ZC2HC1C: variants seen among roughly 807,000 people sequenced by gnomAD.
The protein encoded by ZC2HC1C is zinc finger C2HC domain-containing protein 1C.
In ZC2HC1C, 25 loss-of-function variants were observed where a neutral mutation model predicts 39.2. The observed-to-expected ratio is 0.64, with a 90% CI of 0.47 to 0.89. The LOEUF (loss-of-function observed/expected upper bound fraction) is 0.89. Among genes scored for constraint, ZC2HC1C ranks in the 40% least tolerant of loss-of-function variants. ZC2HC1C has a pLI of 0.00. For missense variants in ZC2HC1C, 519 were observed against 548.6 expected, an observed-to-expected ratio of 0.95 and a Z score of 0.54; for synonymous variants, 209 against 214.4, an observed-to-expected ratio of 0.97 and a Z score of 0.22.
chr14:75,077,284 A>G (rs1488347815), intron 2 of ZC2HC1C, among the ~76,000 whole-genome samples: 2 of 152,056 alleles, frequency 1.3e-5, no homozygotes, highest in Non-Finnish European at 1.5e-5. Context: ...ACTTTCCACT[A>G]TCGGGTACTT....
chr14:75,077,526 T>G lies in ZC2HC1C; in HGVS notation c.1339-6T>G, dbSNP rs1218784770. The G allele has an allele frequency of 6.2e-7, 1 of 1,614,188 alleles. No homozygotes were observed. Among genetic ancestry groups the G allele is most frequent in the South Asian group, 1.1e-5 (1 of 91,080 alleles). On this transcript the variant is annotated splice_polypyrimidine_tract_variant and splice_region_variant and intron_variant, in intron 2 of 2. Coordinates refer to ENST00000524913, the MANE Select transcript of ZC2HC1C (RefSeq NM_024643.4). Reference sequence around the variant, plus strand: ...TTGAATGATCAGTCTCCCTTTTACATTACAGGCTGAACCTCCTCAGAAGAG... The same window carrying G: ...TTGAATGATCAGTCTCCCTTTTACAGTACAGGCTGAACCTCCTCAGAAGAG...
rs768137335 is a variant in ZC2HC1C, at chr14:75,077,587, C to T, written c.*23C>T. ...TAGAAGCATGAATCTTTTATCCATA[C>T]GTTCCGCCAGGCTCGAGAGGTCCAG... On this transcript the variant is annotated 3_prime_UTR_variant, in exon 3 of 3. Coordinates refer to ENST00000524913, the MANE Select transcript of ZC2HC1C (RefSeq NM_024643.4). The T allele has an allele frequency of 1.3e-5, 21 of 1,613,944 alleles. No individual in the cohort carries two copies. The highest frequency in any genetic ancestry group is 3.3e-5 in the Admixed American group (2 of 59,992).
chr14:75,072,339 C>T (rs1366427342), intron 2 of ZC2HC1C, among the ~76,000 whole-genome samples: 1 of 152,142 alleles, frequency 6.6e-6, no homozygotes, highest in East Asian at 1.9e-4. Context: ...GAGAGAACTC[C>T]TCACTCTTTG....
chr14:75,073,545 G>T (rs1270092050), intron 2 of ZC2HC1C: 1 of 1,287,742 alleles, frequency 7.8e-7, no homozygotes, highest in Non-Finnish European at 1.0e-6. Flanking sequence ...CACCACCCTG[G>T]TAATGTCTCA....
Position 75,070,638 on chromosome 14 carries a change from C to T in ZC2HC1C, c.65C>T (p.Thr22Met). ...GGCGTTATGCTCCCACATAATACAA[C>T]GGAAGCTCCAGGGCCCCACTCAGCC... ...PVGVMLPHNT[T>M]EAPGPHSAKQ... The change falls in exon 2 of 3, where the codon ACG becomes ATG. Residue 22 changes from threonine (T) to methionine (M), a missense_variant. By Grantham distance (81) the Thr-to-Met change is moderately conservative. Transcript: ENST00000524913. 11 of 1,614,118 alleles carry T rather than the reference C, an allele frequency of 6.8e-6. No homozygotes were observed. The highest frequency in any genetic ancestry group is 9.3e-6 in the Non-Finnish European group (11 of 1,179,984).
At position 75,070,668 on chromosome 14, in the gene ZC2HC1C, A is replaced by G. The variant is rs772518985; in HGVS notation, c.95A>G (p.Gln32Arg). Residue 32 changes from glutamine (Q) to arginine (R), a missense_variant, in exon 2 of 3, where the codon CAA (glutamine) becomes CGA (arginine). Physicochemically the swap from Gln to Arg is conservative, Grantham distance 43 (BLOSUM62 1). Transcript: ENST00000524913. Reference sequence around the variant, plus strand: ...GCTCCAGGGCCCCACTCAGCCAAGCAAGACTCTTACGAACAAGGTGACTCT... The same window carrying G: ...GCTCCAGGGCCCCACTCAGCCAAGCGAGACTCTTACGAACAAGGTGACTCT... ...TEAPGPHSAK[Q>R]DSYEQGDSSQ... 1.9e-6 allele frequency: 3 copies of G among 1,614,204 alleles called. No homozygotes were observed. Among genetic ancestry groups the G allele is most frequent in the Non-Finnish European group, 2.5e-6 (3 of 1,180,034 alleles).
rs1401552669 is a variant in ZC2HC1C, at chr14:75,070,856, G to A, written c.283G>A (p.Asp95Asn). ...CCACTGTACTGGAATCAGCCAGCAA[G>A]ATCCAGAAAGTGATTCCCAGGGCCA... ...YPHCTGISQQ[D>N]PESDSQGQGN... Residue 95 changes from aspartate (D) to asparagine (N), a missense_variant, in exon 2 of 3, where the codon GAT (aspartate) becomes AAT (asparagine). Coordinates refer to ENST00000524913, the MANE Select transcript of ZC2HC1C (RefSeq NM_024643.4). 2 of 1,614,226 alleles carry A rather than the reference G, an allele frequency of 1.2e-6. No individual in the cohort carries two copies. Among genetic ancestry groups the A allele is most frequent in the East Asian group, 2.2e-5 (1 of 44,886 alleles).
chr14:75,074,813 C>T (rs1566630088), intron 2 of ZC2HC1C, among the ~76,000 whole-genome samples: 1 of 152,200 alleles, frequency 6.6e-6, no homozygotes, highest in East Asian at 1.9e-4. Context: ...CTCAAGTCAT[C>T]TGCCCACCTC....
Position 75,071,086 on chromosome 14 carries a change from A to T in ZC2HC1C, c.513A>T (p.Arg171Ser). ...HNVYPRPPEP[R>S]EFSSRNFGVR... ...TCTACCCAAGGCCCCCTGAGCCGAG[A>T]GAGTTTTCATCTAGGAACTTTGGTG... Residue 171 changes from arginine (R) to serine (S), a missense_variant, in exon 2 of 3, where the codon AGA (arginine) becomes AGT (serine). Coordinates refer to ENST00000524913, the MANE Select transcript of ZC2HC1C (RefSeq NM_024643.4). 1 of 1,614,190 alleles carries T rather than the reference A, an allele frequency of 6.2e-7. No individual in the cohort carries two copies. The highest frequency in any genetic ancestry group is 8.5e-7 in the Non-Finnish European group (1 of 1,180,038).
chr14:75,070,266 A>G (rs1893295494), intron 1 of ZC2HC1C, among the ~76,000 whole-genome samples: 1 of 152,086 alleles, frequency 6.6e-6, no homozygotes, highest in Admixed American at 6.5e-5. Flanking sequence ...TCCACCTACT[A>G]TAGAGTATAC....
chr14:75,072,705 G>T (rs969198893), intron 2 of ZC2HC1C, among the ~76,000 whole-genome samples: 1 of 152,156 alleles, frequency 6.6e-6, no homozygotes, highest in African/African-American at 2.4e-5. Context: ...TCAAGGTTGT[G>T]CCACTTGGTT....
Position 75,071,760 on chromosome 14 carries a change from G to GC in ZC2HC1C, c.1188dup (p.Lys397GlnfsTer26). 1 of 1,614,126 alleles carries GC rather than the reference G, an allele frequency of 6.2e-7. No homozygotes were observed. On this transcript the variant is annotated frameshift_variant, in exon 2 of 3. Coordinates refer to ENST00000524913, the MANE Select transcript of ZC2HC1C (RefSeq NM_024643.4). LOFTEE classifies it high-confidence loss of function. ...CTGGGTGAGTGCAGCCACTGTGGGC[G>GC]CAAATTCCTCTCGTTCAGGCTGGAG...
chr14:75,070,548 C>T lies in ZC2HC1C; in HGVS notation c.-19-7C>T. The T allele has an allele frequency of 6.4e-7, 1 of 1,574,084 alleles. No homozygotes were observed. The highest frequency in any genetic ancestry group is 2.2e-5 in the East Asian group (1 of 44,612). On this transcript the variant is annotated splice_polypyrimidine_tract_variant and splice_region_variant and intron_variant, in intron 1 of 2. Coordinates refer to ENST00000524913, the MANE Select transcript of ZC2HC1C (RefSeq NM_024643.4). Reference sequence around the variant, plus strand: ...CTTCCCGTGTATCTGGTTTAAATCTCCCGTAGGCGTCAGTCCAGGCCCTGA... The same window carrying T: ...CTTCCCGTGTATCTGGTTTAAATCTTCCGTAGGCGTCAGTCCAGGCCCTGA...
intron 2 of ZC2HC1C, among the ~76,000 whole-genome samples, chr14:75,074,565 GT>G (rs574488702): frequency 1.3e-5 from 2 of 150,304 alleles, no homozygotes; most frequent in African/African-American, 2.4e-5. Flanking sequence ...TACATTACCT[GT>G]TTTTTTTTGT....
rs758886860 is a variant in ZC2HC1C, at chr14:75,071,743, G to A, written c.1170G>A (p.Glu390=). 19 of 1,614,062 alleles carry A rather than the reference G, an allele frequency of 1.2e-5. No homozygotes were observed. The highest frequency in any genetic ancestry group is 1.6e-5 in the Non-Finnish European group (19 of 1,180,036). ...SGSIEEPQLG[E]CSHCGRKFLS... is the part of the protein sequence containing the mutation. ...CCATTGAAGAGCCACAGCTGGGTGA[G>A]TGCAGCCACTGTGGGCGCAAATTCC... Residue 390 remains glutamate (E), a synonymous_variant, in exon 2 of 3, where the codon GAG becomes GAA. Coordinates refer to ENST00000524913, the MANE Select transcript of ZC2HC1C (RefSeq NM_024643.4).
chr14:75,077,112 GT>G (rs1893708746), intron 2 of ZC2HC1C, among the ~76,000 whole-genome samples: 1 of 152,170 alleles, frequency 6.6e-6, no homozygotes. Flanking sequence ...GATTAACCCA[GT>G]TCCACGTGTC....
At chr14:75,076,853 C>T (rs1893695482) in intron 2 of ZC2HC1C, among the ~76,000 whole-genome samples, 1 of 152,080 alleles carries the variant, frequency 6.6e-6, no homozygotes, top group Non-Finnish European at 1.5e-5. Context: ...CATATTTAAG[C>T]TTAAGTGGGG....
intron 2 of ZC2HC1C, among the ~76,000 whole-genome samples, chr14:75,074,959 T>C (rs1025743367): frequency 7.9e-5 from 12 of 152,198 alleles, no homozygotes; most frequent in Non-Finnish European, 1.8e-4. Context: ...ATCCTTCCAC[T>C]GTAGTCGAAT....
chr14:75,072,508 T>C (rs1387938521), intron 2 of ZC2HC1C, among the ~76,000 whole-genome samples: 3 of 152,230 alleles, frequency 2.0e-5, no homozygotes, highest in Admixed American at 2.0e-4. Context: ...TGTAAACACC[T>C]TGAAGGTAAA....
Sources: gnomAD v4.1 joint callset for allele counts (sites outside exome capture counted in the v4.1 genomes callset) on GRCh38, gnomAD v4.1.1 for gene constraint, MANE v1.5 for transcripts, NCBI Gene and HGNC (gene_info 2026-07-23, HGNC 2026-07-21) for gene names.